FRMD6: variants seen among roughly 807,000 people sequenced by gnomAD.
FRMD6 encodes FERM domain-containing protein 6.
A neutral mutation model predicts 73.2 loss-of-function variants in FRMD6; 37 were observed. The ratio of observed to expected loss-of-function variants is 0.51; its 90% CI spans 0.39 to 0.66. The LOEUF (loss-of-function observed/expected upper bound fraction) is 0.66, where lower values mean the gene tolerates loss of function less well. FRMD6 is among the 30% of genes least tolerant of loss of function. The pLI is 0.00. For synonymous variants in FRMD6, 273 were observed against 282.2 expected, an observed-to-expected ratio of 0.97 and a Z score of 0.33; for missense variants, 714 against 780.5, an observed-to-expected ratio of 0.91 and a Z score of 1.02.
the FRMD6 span, among the ~76,000 whole-genome samples, chr14:51,425,332 G>C: frequency 1.3e-5 from 2 of 152,136 alleles, no homozygotes; most frequent in Admixed American, 1.3e-4. Flanking sequence ...GGATTCCCAG[G>C]ACTGACCCTG....
the FRMD6 span, among the ~76,000 whole-genome samples, chr14:51,441,343 A>G: frequency 6.6e-6 from 1 of 152,316 alleles, no homozygotes; most frequent in South Asian, 2.1e-4. Flanking sequence ...GGAGAACTCC[A>G]TATCCTACCA....
chr14:51,589,762 T>C (rs1889270622), intron 2 of FRMD6, among the ~76,000 whole-genome samples: 1 of 152,220 alleles, frequency 6.6e-6, no homozygotes, highest in Non-Finnish European at 1.5e-5. Context: ...TTAGTCCAGA[T>C]ATCAATAAAT....
chr14:51,479,869 T>G, the FRMD6 span, among the ~76,000 whole-genome samples: 1 of 152,126 alleles, frequency 6.6e-6, no homozygotes, highest in Non-Finnish European at 1.5e-5. Context: ...TGCTGCCTCT[T>G]CAGTTAAGCT....
intron 1 of FRMD6, among the ~76,000 whole-genome samples, chr14:51,524,092 A>ATATCT (rs1885097345): frequency 6.6e-6 from 1 of 152,108 alleles, no homozygotes; most frequent in Non-Finnish European, 1.5e-5. Flanking sequence ...ACAATATCTC[A>ATATCT]TATCTTATGT....
chr14:51,396,754 G>A, the FRMD6 span, among the ~76,000 whole-genome samples: 10 of 152,194 alleles, frequency 6.6e-5, no homozygotes, highest in Non-Finnish European at 1.2e-4. Flanking sequence ...TGGGGAGTCT[G>A]TAGGCCAAAT....
the FRMD6 span, among the ~76,000 whole-genome samples, chr14:51,415,081 A>G: frequency 9.2e-5 from 14 of 152,326 alleles, 1 homozygote; most frequent in African/African-American, 3.4e-4. Flanking sequence ...TAAATATACA[A>G]TCATGTCATC....
At position 51,594,016 on chromosome 14, in the gene FRMD6, G is replaced by C. The variant is rs1192313775; in HGVS notation, c.-147+23606G>C. Among the ~76,000 whole-genome samples, 4 of 152,178 alleles carry C rather than the reference G, an allele frequency of 2.6e-5. No individual in the cohort carries two copies. The East Asian group carries it at 7.7e-4, about 29-fold the overall frequency. On this transcript the variant is annotated intron_variant, in intron 2 of 14. Transcript: ENST00000356218. The stretch of plus-strand genomic sequence containing the variant: ...ATACTCAGAGGGACAACAGAACAGG[G>C]TGTGTGAAATGGGAATGCCACAGTG...
upstream of FRMD6, among the ~76,000 whole-genome samples, chr14:51,487,566 T>G (rs1187537234): frequency 6.6e-6 from 1 of 152,252 alleles, no homozygotes; most frequent in East Asian, 1.9e-4. Context: ...AGCAAGCCAC[T>G]AAAATGTTAT....
intron 11 of FRMD6, among the ~76,000 whole-genome samples, chr14:51,721,734 G>A (rs112750477): frequency 1.7e-5 from 2 of 117,496 alleles, no homozygotes; most frequent in Non-Finnish European, 3.6e-5. Context: ...GAGGAAGGGA[G>A]GGAGGAAGGA....
At chr14:51,413,597 T>G in the FRMD6 span, among the ~76,000 whole-genome samples, 2 of 152,210 alleles carry the variant, frequency 1.3e-5, no homozygotes, top group Non-Finnish European at 2.9e-5. Flanking sequence ...CTTTACTATG[T>G]GAATAGTGCT....
chr14:51,675,677 T>A (rs1443061798), intron 1 of FRMD6, among the ~76,000 whole-genome samples: 4 of 152,190 alleles, frequency 2.6e-5, no homozygotes, highest in Non-Finnish European at 4.4e-5. Context: ...ATTTTCCAGA[T>A]GAATTTTTTA....
chr14:51,691,550 A>G (rs1373046962), intron 2 of FRMD6, among the ~76,000 whole-genome samples: 1 of 132,850 alleles, frequency 7.5e-6, no homozygotes, highest in Non-Finnish European at 1.7e-5. Flanking sequence ...TTAGTTTCCT[A>G]TATGTTACTA....
At chr14:51,655,081 A>G (rs1411258207) in intron 1 of FRMD6, among the ~76,000 whole-genome samples, 3 of 151,784 alleles carry the variant, frequency 2.0e-5, no homozygotes, top group Non-Finnish European at 2.9e-5. Context: ...TGTGTTTACA[A>G]TCCTCAATAG....
chr14:51,720,168 C>A lies in FRMD6; in HGVS notation c.1138C>A (p.Arg380Ser), dbSNP rs929453274. 2 of 1,613,822 alleles carry A rather than the reference C, an allele frequency of 1.2e-6. No individual in the cohort carries two copies. Residue 380 changes from arginine to serine, a missense_variant, in exon 11 of 14, where the codon CGC (arginine) becomes AGC (serine). Coordinates refer to ENST00000344768, the MANE Select transcript of FRMD6 (RefSeq NM_001267046.2). ...GSSAGSMKHK[R>S]LSRHSTASHS... ...CAGTGCGGGCAGCATGAAACACAAGCGCCTGTCCCGTCATTCCACCGCCAG... is the reference window on the plus strand; with the variant it reads ...CAGTGCGGGCAGCATGAAACACAAGAGCCTGTCCCGTCATTCCACCGCCAG...
intron 2 of FRMD6, among the ~76,000 whole-genome samples, chr14:51,578,523 C>T (rs376006942): frequency 3.3e-5 from 5 of 152,162 alleles, no homozygotes; most frequent in African/African-American, 9.7e-5. Context: ...CTTGCTTATT[C>T]GCTCTGGTTC....
chr14:51,421,930 G>A, the FRMD6 span, among the ~76,000 whole-genome samples: 2 of 152,168 alleles, frequency 1.3e-5, no homozygotes, highest in Non-Finnish European at 2.9e-5. Context: ...GGGTCATGCT[G>A]CGGATCTGCC....
chr14:51,601,847 T>G (rs933819190), intron 2 of FRMD6, among the ~76,000 whole-genome samples: 7 of 152,244 alleles, frequency 4.6e-5, no homozygotes, highest in Admixed American at 3.3e-4. Flanking sequence ...ATTTAATTTC[T>G]TTATCATTTT....
chr14:51,424,259 C>T, the FRMD6 span, among the ~76,000 whole-genome samples: 1 of 152,162 alleles, frequency 6.6e-6, no homozygotes, highest in South Asian at 2.1e-4. Context: ...GGAAATGGGA[C>T]ACTTTTGCTT....
chr14:51,470,612 T>C, the FRMD6 span, among the ~76,000 whole-genome samples: 2 of 152,240 alleles, frequency 1.3e-5, no homozygotes, highest in African/African-American at 4.8e-5. Flanking sequence ...TTTGCTCTTA[T>C]TTTTATCATT....
Sources: gnomAD v4.1 joint callset for allele counts (sites outside exome capture counted in the v4.1 genomes callset) on GRCh38, gnomAD v4.1.1 for gene constraint, MANE v1.5 for transcripts, NCBI Gene and HGNC (gene_info 2026-07-23, HGNC 2026-07-21) for gene names.